The following CSMD1 variants were observed in gnomAD, a reference collection of about 807,000 sequenced individuals.
CSMD1 encodes CUB and sushi domain-containing protein 1.
A neutral mutation model predicts 417.5 loss-of-function variants in CSMD1; 213 were observed. The observed-to-expected ratio is 0.51, with a 90% CI of 0.46 to 0.57. The LOEUF is 0.57. CSMD1 is among the 20% of genes least tolerant of loss of function. The pLI is 0.00. For missense variants in CSMD1, 6,923 were observed against 4,529.7 expected (o/e 1.53, Z -15.17); for synonymous variants, 2,862 against 1,736.8 (o/e 1.65, Z -16.11).
intron 7 of CSMD1, among the ~76,000 whole-genome samples, chr8:3,653,690 C>T (rs1253891449): frequency 6.6e-6 from 1 of 152,130 alleles, no homozygotes. Flanking sequence ...AGTCCTGGCA[C>T]TTGTGGAAGC....
chr8:4,612,022 T>C (rs1460524811), intron 2 of CSMD1, among the ~76,000 whole-genome samples: 1 of 152,224 alleles, frequency 6.6e-6, no homozygotes, highest in East Asian at 1.9e-4. Flanking sequence ...AACCATCTAA[T>C]TGGAATGAAA....
intron 3 of CSMD1, among the ~76,000 whole-genome samples, chr8:4,066,866 T>C (rs1309386525): frequency 6.6e-6 from 1 of 152,210 alleles, no homozygotes; most frequent in Non-Finnish European, 1.5e-5. Flanking sequence ...TCACTGCTGA[T>C]TTAACACAGC....
intron 3 of CSMD1, among the ~76,000 whole-genome samples, chr8:4,248,366 C>T (rs1192235319): frequency 6.6e-6 from 1 of 152,132 alleles, no homozygotes. Context: ...CATCTCATCC[C>T]TTGGTGAGTG....
chr8:3,431,893 T>C (rs1486769197), intron 12 of CSMD1, among the ~76,000 whole-genome samples: 2 of 152,224 alleles, frequency 1.3e-5, no homozygotes, highest in African/African-American at 4.8e-5. Flanking sequence ...GCTGCTCTTC[T>C]GCAGCACCTC....
At chr8:3,889,961 T>C (rs925942497) in intron 5 of CSMD1, among the ~76,000 whole-genome samples, 5 of 152,078 alleles carry the variant, frequency 3.3e-5, no homozygotes, top group African/African-American at 9.7e-5. Flanking sequence ...GGTGGGAGGA[T>C]TGCTTGAACC....
intron 3 of CSMD1, among the ~76,000 whole-genome samples, chr8:4,077,164 C>G (rs543026682): frequency 6.6e-6 from 1 of 151,226 alleles, no homozygotes; most frequent in Non-Finnish European, 1.5e-5. Context: ...CCAACTGCAC[C>G]CAATGGGTAA....
At chr8:3,267,138 C>T (rs909499122) in intron 26 of CSMD1, among the ~76,000 whole-genome samples, 5 of 152,048 alleles carry the variant, frequency 3.3e-5, no homozygotes, top group Admixed American at 3.3e-4. Flanking sequence ...GGTCGTCCCG[C>T]GGCAGCCAGC....
intron 7 of CSMD1, among the ~76,000 whole-genome samples, chr8:3,680,603 G>C (rs1484778714): frequency 6.6e-6 from 1 of 152,146 alleles, no homozygotes; most frequent in Non-Finnish European, 1.5e-5. Context: ...ATTTCTATCA[G>C]ACGTACAAAG....
chr8:3,869,171 T>G (rs1174619410), intron 5 of CSMD1, among the ~76,000 whole-genome samples: 1 of 152,188 alleles, frequency 6.6e-6, no homozygotes, highest in Non-Finnish European at 1.5e-5. Context: ...AATACACAGA[T>G]GTGCTGCACC....
intron 7 of CSMD1, among the ~76,000 whole-genome samples, chr8:3,695,711 C>T (rs1800514780): frequency 6.6e-6 from 1 of 152,092 alleles, no homozygotes; most frequent in South Asian, 2.1e-4. Context: ...GTTACTAAAA[C>T]AGCAGTTTGG....
At chr8:4,689,661 AG>A (rs1350924113) in intron 1 of CSMD1, among the ~76,000 whole-genome samples, 1 of 152,186 alleles carries the variant, frequency 6.6e-6, no homozygotes, top group African/African-American at 2.4e-5. Flanking sequence ...GAGGCACCCA[AG>A]TAATCTTTTT....
intron 3 of CSMD1, among the ~76,000 whole-genome samples, chr8:4,097,208 G>C (rs73658572): frequency 0.22 from 32,834 of 152,056 alleles, 4,297 homozygotes; most frequent in African/African-American, 0.36. Context: ...AATGAATCAA[G>C]TAGCTTGGAA....
At chr8:4,744,637 A>G (rs954480502) in intron 1 of CSMD1, among the ~76,000 whole-genome samples, 1 of 152,138 alleles carries the variant, frequency 6.6e-6, no homozygotes, top group Non-Finnish European at 1.5e-5. Context: ...AACTCTAACA[A>G]TATTATTCTC....
rs189186000 is a variant in CSMD1 at position 3,792,911 on chromosome 8, C to T, written c.819-38869G>A. ...AACATCTAACCTACCTGAGATTTAC[C>T]GTTAGGGTCTTTTTCCTTTGGTATT... On this transcript the variant is annotated intron_variant, in intron 5 of 69. Transcript: ENST00000635120. Among the ~76,000 whole-genome samples, 237 of 152,246 alleles carry T rather than the reference C, an allele frequency of 1.6e-3. 1 individual carries two copies. Among genetic ancestry groups the T allele is most frequent in the African/African-American group, 5.3e-3 (219 of 41,554 alleles).
Position 3,881,521 on chromosome 8 carries a change from C to G in CSMD1, c.818+116382G>C, listed in dbSNP as rs534546052. Among the ~76,000 whole-genome samples, 5 of 149,708 alleles carry G rather than the reference C, an allele frequency of 3.3e-5. No individual in the cohort carries two copies. The East Asian group carries it at 9.8e-4, about 29-fold the overall frequency. The stretch of plus-strand genomic sequence containing the variant: ...GCGTAGTGGTGGGTGCCTGTAATCT[C>G]AGCTACTCAGGAGGCTGAGGTTGCA... On this transcript the variant is annotated intron_variant, in intron 5 of 69. Transcript: ENST00000635120.
chr8:4,033,436 C>T (rs575845943), intron 3 of CSMD1, among the ~76,000 whole-genome samples: 34 of 152,132 alleles, frequency 2.2e-4, no homozygotes, highest in South Asian at 4.2e-4. Flanking sequence ...AGCGAGACTC[C>T]GCCTCAAAAA....
At chr8:3,864,546 C>T (rs1804950977) in intron 5 of CSMD1, among the ~76,000 whole-genome samples, 1 of 152,080 alleles carries the variant, frequency 6.6e-6, no homozygotes, top group African/African-American at 2.4e-5. Context: ...TATACATGTG[C>T]CATGTTGGTG....
intron 1 of CSMD1, among the ~76,000 whole-genome samples, chr8:4,916,634 C>A (rs912699746): frequency 5.9e-5 from 9 of 152,134 alleles, no homozygotes; most frequent in Admixed American, 2.6e-4. Flanking sequence ...GTAGTAATAA[C>A]CTCCAATAAA....
intron 3 of CSMD1, among the ~76,000 whole-genome samples, chr8:4,040,598 T>C (rs1043804443): frequency 1.3e-5 from 2 of 152,200 alleles, no homozygotes; most frequent in African/African-American, 2.4e-5. Flanking sequence ...AACATGCATA[T>C]ATGGATTGGG....
Sources: gnomAD v4.1 joint callset for allele counts (sites outside exome capture counted in the v4.1 genomes callset) on GRCh38, gnomAD v4.1.1 for gene constraint, MANE v1.5 for transcripts, NCBI Gene and HGNC (gene_info 2026-07-23, HGNC 2026-07-21) for gene names.